The following RNF180 variants were observed in gnomAD, a reference collection of about 807,000 sequenced individuals.
RNF180 encodes ring finger protein 180.
Under a neutral mutation model 59.2 loss-of-function variants are expected in RNF180, and 38 were observed. The ratio of observed to expected loss-of-function variants is 0.64; its 90% CI spans 0.50 to 0.84. The LOEUF (loss-of-function observed/expected upper bound fraction) is 0.84. Among genes scored for constraint, RNF180 ranks in the 40% least tolerant of loss-of-function variants. RNF180 has a pLI of 0.00. For missense variants in RNF180, 705 were observed against 700.9 expected, an observed-to-expected ratio of 1.01 and a Z score of -0.07; for synonymous variants, 262 against 240.3, an observed-to-expected ratio of 1.09 and a Z score of -0.84.
chr5:64,192,603 C>T (rs573314957), intron 1 of RNF180, among the ~76,000 whole-genome samples: 5 of 151,956 alleles, frequency 3.3e-5, no homozygotes, highest in South Asian at 2.1e-4. Context: ...ACCCAGGAAG[C>T]GGAGGTTGCT....
chr5:64,276,051 G>A (rs1261739154), intron 5 of RNF180, among the ~76,000 whole-genome samples: 1 of 151,984 alleles, frequency 6.6e-6, no homozygotes, highest in Non-Finnish European at 1.5e-5. Context: ...AGATCCATCA[G>A]CATCTTGCCC....
chr5:64,362,005 C>G (rs1379721426), intron 7 of RNF180, among the ~76,000 whole-genome samples: 1 of 150,976 alleles, frequency 6.6e-6, no homozygotes, highest in Non-Finnish European at 1.5e-5. Context: ...GCTTATTTAT[C>G]CTATTAGAAA....
chr5:64,326,704 G>A (rs1026525744), intron 6 of RNF180, among the ~76,000 whole-genome samples: 3 of 152,036 alleles, frequency 2.0e-5, no homozygotes, highest in Non-Finnish European at 2.9e-5. Context: ...ATGTGTTGTT[G>A]GATTCCGTTT....
At chr5:64,271,451 T>A (rs1741390948) in intron 5 of RNF180, among the ~76,000 whole-genome samples, 1 of 152,080 alleles carries the variant, frequency 6.6e-6, no homozygotes, top group Non-Finnish European at 1.5e-5. Flanking sequence ...TATAAAATAG[T>A]CATCCCATAA....
chr5:64,194,125 G>C (rs1198073951), intron 1 of RNF180, among the ~76,000 whole-genome samples: 1 of 152,080 alleles, frequency 6.6e-6, no homozygotes, highest in African/African-American at 2.4e-5. Flanking sequence ...TTTAACATTA[G>C]GTATATCTCC....
chr5:64,330,322 T>G lies in RNF180; in HGVS notation c.1495T>G (p.Leu499Val). The G allele has an allele frequency of 6.5e-7, 1 of 1,529,408 alleles. No homozygotes were observed. The highest frequency in any genetic ancestry group is 8.8e-7 in the Non-Finnish European group (1 of 1,130,314). 94.7% of individuals were successfully genotyped at this position (1,529,408 alleles called of 1,614,324 possible). Reference protein sequence around the residue: ...ATKTFFTKEYLKIKQSFQKSN... With the variant: ...ATKTFFTKEYVKIKQSFQKSN... Reference sequence around the variant, plus strand: ...AAAAACTTTCTTTACTAAAGAATATTTGAAAATAAAACAAAGCTTTCAGAA... The same window carrying G: ...AAAAACTTTCTTTACTAAAGAATATGTGAAAATAAAACAAAGCTTTCAGAA... Residue 499 changes from leucine (L) to valine (V), a missense_variant, in exon 7 of 8, where the codon TTG (leucine) becomes GTG (valine). By Grantham distance (32) the Leu-to-Val change is conservative. Transcript: ENST00000389100.
intron 5 of RNF180, among the ~76,000 whole-genome samples, chr5:64,253,710 A>G (rs1169529574): frequency 6.6e-6 from 1 of 152,132 alleles, no homozygotes; most frequent in Non-Finnish European, 1.5e-5. Context: ...GTACTAGAAT[A>G]ACTTTCATTT....
chr5:64,260,705 T>C (rs1259231001), intron 5 of RNF180, among the ~76,000 whole-genome samples: 1 of 152,172 alleles, frequency 6.6e-6, no homozygotes, highest in Non-Finnish European at 1.5e-5. Context: ...GGTTGAACCA[T>C]GGTTCTACAA....
chr5:64,355,629 G>A (rs1745988365), intron 7 of RNF180, among the ~76,000 whole-genome samples: 1 of 151,828 alleles, frequency 6.6e-6, no homozygotes, highest in Admixed American at 6.6e-5. Context: ...GAAGTACAGT[G>A]TTCATAATAT....
intron 7 of RNF180, among the ~76,000 whole-genome samples, chr5:64,360,350 G>C (rs1364232550): frequency 6.6e-6 from 1 of 151,664 alleles, no homozygotes; most frequent in African/African-American, 2.4e-5. Context: ...AAAAGCCTTT[G>C]ACAAAATTCA....
At chr5:64,261,152 C>T (rs1744315924) in intron 5 of RNF180, among the ~76,000 whole-genome samples, 2 of 152,150 alleles carry the variant, frequency 1.3e-5, no homozygotes, top group African/African-American at 4.8e-5. Flanking sequence ...AAATCATTCA[C>T]TGATCATTTG....
At chr5:64,188,830 T>C (rs1350100868) in intron 1 of RNF180, among the ~76,000 whole-genome samples, 1 of 152,054 alleles carries the variant, frequency 6.6e-6, no homozygotes, top group African/African-American at 2.4e-5. Context: ...GTTCTATAGG[T>C]ACTGTTATGG....
chr5:64,369,737 A>G lies in RNF180; in HGVS notation c.1702A>G (p.Ile568Val). Residue 568 changes from isoleucine (I) to valine (V), a missense_variant, in exon 8 of 8, where the codon ATA (isoleucine) becomes GTA (valine). Transcript: ENST00000389100. Reference sequence around the variant, plus strand: ...GTGGTTTGACATGGATATGGTGATCATATATATTTATTCAGTGAACTGGGT... The same window carrying G: ...GTGGTTTGACATGGATATGGTGATCGTATATATTTATTCAGTGAACTGGGT... ...GWWFDMDMVI[I>V]YIYSVNWVIG... The G allele has an allele frequency of 6.5e-7, 1 of 1,544,182 alleles. No individual in the cohort carries two copies. Among genetic ancestry groups the G allele is most frequent in the South Asian group, 1.2e-5 (1 of 82,862 alleles).
chr5:64,347,296 G>A (rs1189071897), intron 7 of RNF180, among the ~76,000 whole-genome samples: 5 of 152,044 alleles, frequency 3.3e-5, no homozygotes. Context: ...CTTTTTTCCA[G>A]TCTATAAAAA....
At chr5:64,315,998 TTAAC>T (rs1744023612) in intron 5 of RNF180, among the ~76,000 whole-genome samples, 1 of 152,144 alleles carries the variant, frequency 6.6e-6, no homozygotes, top group Non-Finnish European at 1.5e-5. Flanking sequence ...CACTAGCAAT[TTAAC>T]CCACTATTAC....
intron 1 of RNF180, among the ~76,000 whole-genome samples, chr5:64,200,239 C>G (rs983008385): frequency 4.6e-5 from 7 of 151,876 alleles, no homozygotes; most frequent in African/African-American, 1.7e-4. Context: ...TTGATACTAG[C>G]CTGTGCTACC....
At chr5:64,353,637 A>G (rs969399525) in intron 7 of RNF180, among the ~76,000 whole-genome samples, 40 of 151,848 alleles carry the variant, frequency 2.6e-4, no homozygotes, top group African/African-American at 8.4e-4. Flanking sequence ...TTATAGCCCT[A>G]TTAACTAAGG....
intron 5 of RNF180, among the ~76,000 whole-genome samples, chr5:64,262,474 A>G (rs1166864242): frequency 6.6e-6 from 1 of 152,170 alleles, no homozygotes; most frequent in East Asian, 1.9e-4. Flanking sequence ...ATTTTTAGAA[A>G]TTGATCACCC....
chr5:64,327,460 G>T (rs947549535), intron 6 of RNF180, among the ~76,000 whole-genome samples: 3 of 151,984 alleles, frequency 2.0e-5, no homozygotes, highest in African/African-American at 7.2e-5. Flanking sequence ...GCTGTGTCCT[G>T]TAGCTTTTGG....
Sources: gnomAD v4.1 joint callset for allele counts (sites outside exome capture counted in the v4.1 genomes callset) on GRCh38, gnomAD v4.1.1 for gene constraint, MANE v1.5 for transcripts, NCBI Gene and HGNC (gene_info 2026-07-23, HGNC 2026-07-21) for gene names.